The following PRICKLE2 variants were observed in gnomAD, a reference collection of about 807,000 sequenced individuals.
PRICKLE2 encodes the protein prickle planar cell polarity protein 2.
In PRICKLE2, 21 loss-of-function variants were observed where a neutral mutation model predicts 81.4. That is an observed-to-expected ratio of 0.26 (90% CI 0.18 to 0.37). PRICKLE2 has a LOEUF of 0.37. Among genes scored for constraint, PRICKLE2 ranks in the 10% least tolerant of loss-of-function variants. PRICKLE2 has a pLI of 1.00. For missense variants in PRICKLE2, 940 were observed against 1,109.0 expected (o/e 0.85, Z 2.16); for synonymous variants, 456 against 421.5 (o/e 1.08, Z -1.00).
chr3:64,152,591 G>A (rs1166832590), intron 6 of PRICKLE2, among the ~76,000 whole-genome samples: 1 of 151,690 alleles, frequency 6.6e-6, no homozygotes, highest in Non-Finnish European at 1.5e-5. Context: ...AGAAGCCACT[G>A]GGTTTCCTTG....
intron 1 of PRICKLE2, among the ~76,000 whole-genome samples, chr3:64,224,444 G>A (rs1329857315): frequency 1.3e-5 from 2 of 152,180 alleles, no homozygotes; most frequent in African/African-American, 4.8e-5. Flanking sequence ...TCTGAAAGCA[G>A]TGTCTAAAAT....
chr3:64,239,425 C>T (rs2079229410), intron 2 of PRICKLE2, among the ~76,000 whole-genome samples: 1 of 152,146 alleles, frequency 6.6e-6, no homozygotes, highest in African/African-American at 2.4e-5. Flanking sequence ...TACAGTCAGC[C>T]AGTGGCCGGA....
chr3:64,197,366 C>T (rs1226968818), intron 2 of PRICKLE2, among the ~76,000 whole-genome samples: 4 of 152,090 alleles, frequency 2.6e-5, no homozygotes, highest in Non-Finnish European at 5.9e-5. Context: ...AACTCATTTA[C>T]GCTCCCACCA....
intron 2 of PRICKLE2, among the ~76,000 whole-genome samples, chr3:64,176,025 G>A (rs2078016799): frequency 6.6e-6 from 1 of 152,138 alleles, no homozygotes; most frequent in East Asian, 1.9e-4. Context: ...GCTCAAAACT[G>A]CAAAATGGCT....
At position 64,163,357 on chromosome 3, in the gene PRICKLE2, G is replaced by A. The variant is rs1232995777; in HGVS notation, c.145-228C>T. ...CTGGGATTTTTCCCTCTCTCTGTGAGGGAAAAATAAAGCTAGTAAATTTTC... is the reference window on the plus strand; with the variant it reads ...CTGGGATTTTTCCCTCTCTCTGTGAAGGAAAAATAAAGCTAGTAAATTTTC... On this transcript the variant is annotated intron_variant, in intron 2 of 7. Coordinates refer to ENST00000638394, the MANE Select transcript of PRICKLE2 (RefSeq NM_198859.4). 8 of 579,578 alleles carry A rather than the reference G, an allele frequency of 1.4e-5. No homozygotes were observed. The East Asian group carries it at 1.8e-4, about 13-fold the overall frequency. The allele number at this position is 579,578 out of a possible 1,614,324, so 35.9% of individuals were successfully genotyped here.
At chr3:64,158,247 G>A (rs1323278432) in intron 4 of PRICKLE2, among the ~76,000 whole-genome samples, 2 of 152,244 alleles carry the variant, frequency 1.3e-5, no homozygotes, top group East Asian at 3.8e-4. Flanking sequence ...CTAAAGAGCA[G>A]AGAAGCTACC....
intron 7 of PRICKLE2, among the ~76,000 whole-genome samples, chr3:64,118,901 T>C (rs2076982603): frequency 7.0e-6 from 1 of 142,560 alleles, no homozygotes; most frequent in Non-Finnish European, 1.5e-5. Context: ...ATTGTTCTAT[T>C]ATAAAGAAAG....
chr3:64,267,583 G>A (rs2079730119), intron 2 of PRICKLE2, among the ~76,000 whole-genome samples: 1 of 150,970 alleles, frequency 6.6e-6, no homozygotes, highest in Non-Finnish European at 1.5e-5. Context: ...TATTTAAAAA[G>A]CAAGTCCAGG....
At chr3:64,130,465 C>T (rs2077179969) in intron 7 of PRICKLE2, among the ~76,000 whole-genome samples, 1 of 152,134 alleles carries the variant, frequency 6.6e-6, no homozygotes, top group Non-Finnish European at 1.5e-5. Flanking sequence ...CAATGTAATG[C>T]TAGACTCTCT....
intron 7 of PRICKLE2, among the ~76,000 whole-genome samples, chr3:64,116,226 A>G (rs1288253299): frequency 6.6e-6 from 1 of 152,210 alleles, no homozygotes; most frequent in Non-Finnish European, 1.5e-5. Flanking sequence ...TAGCACTGAA[A>G]TGTTCACATC....
chr3:64,150,469 G>A (rs1304375127), intron 6 of PRICKLE2, among the ~76,000 whole-genome samples: 1 of 151,992 alleles, frequency 6.6e-6, no homozygotes, highest in East Asian at 1.9e-4. Flanking sequence ...CTTCGCTGAG[G>A]GTCACTGCCC....
In PRICKLE2 at chr3:64,193,746, T is replaced by C. The variant is rs555783073; in HGVS notation, c.144+5038A>G. 2.4e-4 allele frequency among the ~76,000 whole-genome samples: 36 copies of C among 152,296 alleles called. No homozygotes were observed. In the South Asian group the frequency reaches 3.9e-3, roughly 17 times the overall value. On this transcript the variant is annotated intron_variant, in intron 2 of 7. Coordinates refer to ENST00000638394, the MANE Select transcript of PRICKLE2 (RefSeq NM_198859.4). ...GGTCTTTCCCATGATGGCCTCGTGA[T>C]AGTAAGTCTCACGAGATCTGATGGT... is the stretch of plus-strand genomic sequence containing the variant.
chr3:64,133,682 TA>T (rs776768667), intron 7 of PRICKLE2, among the ~76,000 whole-genome samples: 1 of 152,154 alleles, frequency 6.6e-6, no homozygotes, highest in African/African-American at 2.4e-5. Flanking sequence ...TTAGCATTAA[TA>T]GGGGTAACAT....
chr3:64,167,358 C>A (rs561940509), intron 2 of PRICKLE2, among the ~76,000 whole-genome samples: 53 of 152,316 alleles, frequency 3.5e-4, no homozygotes, highest in African/African-American at 1.2e-3. Flanking sequence ...TCCATTTAGA[C>A]ATTCCCAGAT....
At chr3:64,246,377 A>T (rs906178087) in intron 2 of PRICKLE2, among the ~76,000 whole-genome samples, 1 of 152,184 alleles carries the variant, frequency 6.6e-6, no homozygotes, top group South Asian at 2.1e-4. Context: ...GTTGGAAAAA[A>T]CTTTAGTGAT....
intron 2 of PRICKLE2, among the ~76,000 whole-genome samples, chr3:64,184,746 T>C (rs560093304): frequency 2.0e-5 from 3 of 152,306 alleles, no homozygotes; most frequent in Admixed American, 2.0e-4. Flanking sequence ...AGGCTCCAAG[T>C]AGCTTGGATT....
At chr3:64,184,217 G>A (rs182329262) in intron 2 of PRICKLE2, among the ~76,000 whole-genome samples, 5 of 152,268 alleles carry the variant, frequency 3.3e-5, no homozygotes, top group Non-Finnish European at 5.9e-5. Context: ...TGAAATGCCA[G>A]GTACTGATTA....
chr3:64,099,976 G>A lies in PRICKLE2; in HGVS notation c.1661-51C>T. The A allele has an allele frequency of 6.3e-7, 1 of 1,576,456 alleles. No homozygotes were observed. The highest frequency in any genetic ancestry group is 8.7e-7 in the Non-Finnish European group (1 of 1,147,732). ...GAGATTAATACAGATGTGCAGCAATGGGTATCACTGTCACTGCTGGTCATC... is the reference window on the plus strand; with the variant it reads ...GAGATTAATACAGATGTGCAGCAATAGGTATCACTGTCACTGCTGGTCATC... On this transcript the variant is annotated intron_variant, in intron 7 of 7. Coordinates refer to ENST00000638394, the MANE Select transcript of PRICKLE2 (RefSeq NM_198859.4). The surrounding 1 kb of genome is among the most constrained non-coding windows in gnomAD (Gnocchi z 4.3).
intron 7 of PRICKLE2, among the ~76,000 whole-genome samples, chr3:64,127,541 C>G (rs1006943517): frequency 6.6e-6 from 1 of 152,122 alleles, no homozygotes; most frequent in Admixed American, 6.5e-5. Context: ...AAAGAGGAAT[C>G]TGAGACTCAA....
Sources: gnomAD v4.1 joint callset for allele counts (sites outside exome capture counted in the v4.1 genomes callset) on GRCh38, gnomAD v4.1.1 for gene constraint, Gnocchi (gnomAD v3.1) non-coding constraint, MANE v1.5 for transcripts, NCBI Gene and HGNC (gene_info 2026-07-23, HGNC 2026-07-21) for gene names.